Variants in UGT8 observed in about 807,000 individuals in gnomAD.
UGT8 encodes UDP glycosyltransferase 8, also known as 2-hydroxyacylsphingosine 1-beta-galactosyltransferase.
In UGT8, 12 loss-of-function variants were observed where a neutral mutation model predicts 40.5. The ratio of observed to expected loss-of-function variants is 0.30; its 90% CI spans 0.19 to 0.48. The LOEUF (loss-of-function observed/expected upper bound fraction) is 0.48, where lower values mean the gene tolerates loss of function less well. Among genes scored for constraint, UGT8 ranks in the 20% least tolerant of loss-of-function variants. UGT8 has a pLI of 0.99. For missense variants in UGT8, 513 were observed against 648.7 expected (o/e 0.79, Z 2.27); for synonymous variants, 224 against 240.4 (o/e 0.93, Z 0.63).
chr4:114,670,275 C>T (rs1041407627), intron 5 of UGT8, among the ~76,000 whole-genome samples: 1 of 151,310 alleles, frequency 6.6e-6, no homozygotes, highest in Admixed American at 6.6e-5. Flanking sequence ...ACTAAAAATA[C>T]AAAAAATTAG....
At chr4:114,622,821 T>C in intron 1 of UGT8, 58 bp from the exon 2 acceptor site, 1 of 1,438,984 alleles carries the variant, frequency 6.9e-7, no homozygotes, top group Non-Finnish European at 9.4e-7. Context: ...TGTGATTGCT[T>C]GTTTTGAATG....
At chr4:114,665,856 G>C (rs147255057) in intron 4 of UGT8, 100 bp downstream of exon 4, 16 of 866,884 alleles carry the variant, frequency 1.8e-5, no homozygotes, top group Admixed American at 2.9e-5. Context: ...TACGGTATAC[G>C]GTATGTATGT....
chr4:114,635,273 G>T (rs1732819576), intron 2 of UGT8, among the ~76,000 whole-genome samples: 1 of 151,624 alleles, frequency 6.6e-6, no homozygotes. Context: ...ATCACTTGAA[G>T]CCCGGAGGCA....
intron 2 of UGT8, among the ~76,000 whole-genome samples, chr4:114,624,241 T>C (rs1043730020): frequency 6.6e-6 from 1 of 152,200 alleles, no homozygotes; most frequent in Non-Finnish European, 1.5e-5. Flanking sequence ...TGTAATGGTT[T>C]TAAGGAAAGC....
intron 1 of UGT8, among the ~76,000 whole-genome samples, chr4:114,622,146 C>T (rs1360559752): frequency 1.4e-5 from 2 of 141,528 alleles, no homozygotes; most frequent in Non-Finnish European, 3.1e-5. Flanking sequence ...GATGTTCCCC[C>T]TCCTGTGTCC....
chr4:114,601,699 A>C (rs1730450784), intron 1 of UGT8, among the ~76,000 whole-genome samples: 1 of 152,194 alleles, frequency 6.6e-6, no homozygotes, highest in South Asian at 2.1e-4. Context: ...GGTTGTCTTT[A>C]TGAATTCATA....
At chr4:114,667,276 T>C (rs1176671639) in intron 4 of UGT8, among the ~76,000 whole-genome samples, 3 of 152,196 alleles carry the variant, frequency 2.0e-5, no homozygotes, top group Non-Finnish European at 4.4e-5. Flanking sequence ...TTCAGCTAGC[T>C]ATAATTTCTT....
chr4:114,626,814 C>T (rs1447375843), intron 2 of UGT8, among the ~76,000 whole-genome samples: 1 of 152,162 alleles, frequency 6.6e-6, no homozygotes, highest in Non-Finnish European at 1.5e-5. Flanking sequence ...GCAGAGACAG[C>T]AGTTTTTTGA....
intron 2 of UGT8, among the ~76,000 whole-genome samples, chr4:114,660,156 T>C (rs746805689): frequency 6.6e-6 from 1 of 152,116 alleles, no homozygotes; most frequent in Non-Finnish European, 1.5e-5. Flanking sequence ...AGCTTGCTAA[T>C]AACAGTAAAC....
intron 2 of UGT8, among the ~76,000 whole-genome samples, chr4:114,627,815 C>T (rs2126102715): frequency 6.6e-6 from 1 of 152,266 alleles, no homozygotes; most frequent in African/African-American, 2.4e-5. Flanking sequence ...TCTTATAGCA[C>T]CTAATAGCAC....
intron 1 of UGT8, among the ~76,000 whole-genome samples, chr4:114,607,555 T>TC (rs1054685999): frequency 6.6e-5 from 10 of 152,288 alleles, no homozygotes; most frequent in African/African-American, 2.4e-4. Context: ...GGTGTAGTTA[T>TC]TCATGCCCAT....
chr4:114,647,098 T>C (rs1388635977), intron 2 of UGT8, among the ~76,000 whole-genome samples: 3 of 152,212 alleles, frequency 2.0e-5, no homozygotes, highest in Admixed American at 6.5e-5. Flanking sequence ...TTATTCTTTT[T>C]AGAAAGTCAT....
At chr4:114,662,141 G>T (rs551402029) in intron 2 of UGT8, among the ~76,000 whole-genome samples, 1 of 152,110 alleles carries the variant, frequency 6.6e-6, no homozygotes, top group Non-Finnish European at 1.5e-5. Flanking sequence ...GGGTTCTGTC[G>T]TGATAAAACT....
At chr4:114,669,381 CATATAT>C (rs5861189) in intron 5 of UGT8, among the ~76,000 whole-genome samples, 34,447 of 150,154 alleles carry the variant, frequency 0.23, 3,974 homozygotes, top group African/African-American at 0.27. Context: ...ATTTCATATA[CATATAT>C]ATATATATAT....
chr4:114,670,797 A>G (rs1001256292), intron 5 of UGT8, among the ~76,000 whole-genome samples: 11 of 152,172 alleles, frequency 7.2e-5, no homozygotes, highest in Admixed American at 5.9e-4. Flanking sequence ...TCAACATAGT[A>G]TTGCAAGTTC....
chr4:114,603,153 A>T (rs1730536871), intron 1 of UGT8, among the ~76,000 whole-genome samples: 1 of 152,130 alleles, frequency 6.6e-6, no homozygotes, highest in African/African-American at 2.4e-5. Flanking sequence ...GGAGGATGGG[A>T]TGGGAACTTA....
At chr4:114,604,457 C>CT (rs35685088) in intron 1 of UGT8, among the ~76,000 whole-genome samples, 32,439 of 132,786 alleles carry the variant, frequency 0.24, 4,117 homozygotes, top group African/African-American at 0.37. Context: ...GGTTTGTTTG[C>CT]TTTTTTTTTT....
intron 2 of UGT8, among the ~76,000 whole-genome samples, chr4:114,645,377 T>C (rs1393064312): frequency 2.6e-5 from 4 of 152,158 alleles, no homozygotes; most frequent in African/African-American, 9.7e-5. Flanking sequence ...ATTTTCCTTA[T>C]CAGGTAAGAG....
chr4:114,615,511 G>A (rs1731353176), intron 1 of UGT8, among the ~76,000 whole-genome samples: 1 of 152,096 alleles, frequency 6.6e-6, no homozygotes. Context: ...TAGGGCTTCC[G>A]TGACTTAGGA....
Sources: gnomAD v4.1 joint callset for allele counts (sites outside exome capture counted in the v4.1 genomes callset) on GRCh38, gnomAD v4.1.1 for gene constraint, MANE v1.5 for transcripts, NCBI Gene and HGNC (gene_info 2026-07-23, HGNC 2026-07-21) for gene names.